SENP7: variants seen among roughly 807,000 people sequenced by gnomAD.
SENP7 encodes the protein sentrin-specific protease 7.
Under a neutral mutation model 141.2 loss-of-function variants are expected in SENP7, and 64 were observed. The ratio of observed to expected loss-of-function variants is 0.45; its 90% CI spans 0.37 to 0.56. SENP7 has a LOEUF of 0.56. SENP7 is among the 20% of genes least tolerant of loss of function. SENP7 has a pLI of 0.00. For missense variants in SENP7, 1,025 were observed against 1,212.2 expected, an observed-to-expected ratio of 0.85 and a Z score of 2.29; for synonymous variants, 382 against 426.4, an observed-to-expected ratio of 0.90 and a Z score of 1.28.
At chr3:101,414,726 T>C in intron 5 of SENP7, 2 of 740,878 alleles carry the variant, frequency 2.7e-6, no homozygotes, top group Non-Finnish European at 4.4e-6. Flanking sequence ...AGTTTATGAA[T>C]GAAGAAATTA....
At chr3:101,345,226 G>C (rs1559695928) in intron 13 of SENP7, among the ~76,000 whole-genome samples, 1 of 151,788 alleles carries the variant, frequency 6.6e-6, no homozygotes, top group African/African-American at 2.4e-5. Flanking sequence ...TTTTAGGATT[G>C]TTTTTTCTAG....
Position 101,325,114 on chromosome 3 carries a change from T to C in SENP7, c.*829A>G, listed in dbSNP as rs540441276. 24 of 152,174 alleles carry C rather than the reference T, an allele frequency of 1.6e-4. No individual in the cohort carries two copies. The highest frequency in any genetic ancestry group is 5.8e-4 in the African/African-American group (24 of 41,550). The allele number at this position is 152,174 out of a possible 1,614,324, so 9.4% of individuals were successfully genotyped here. On this transcript the variant is annotated 3_prime_UTR_variant, in exon 24 of 24. Transcript: ENST00000394095. ...ATGAGGACACCAATTTTATCTTCTA[T>C]ATTAGAGAAACTATACATAAATTCC...
chr3:101,378,062 C>G (rs948162074), intron 6 of SENP7, among the ~76,000 whole-genome samples: 1 of 151,760 alleles, frequency 6.6e-6, no homozygotes, highest in Admixed American at 6.6e-5. Flanking sequence ...AACAGGACTA[C>G]AGAATGCTTT....
intron 4 of SENP7, among the ~76,000 whole-genome samples, chr3:101,436,559 T>A: frequency 6.7e-6 from 1 of 149,422 alleles, no homozygotes; most frequent in African/African-American, 2.5e-5. Context: ...ATACAAAGAG[T>A]CCAAACAACC....
intron 3 of SENP7, among the ~76,000 whole-genome samples, chr3:101,461,278 C>A (rs545162791): frequency 6.6e-6 from 1 of 152,178 alleles, no homozygotes; most frequent in East Asian, 1.9e-4. Flanking sequence ...AAAAAAGAAT[C>A]AATGTTGTTA....
intron 11 of SENP7, chr3:101,357,999 G>A: frequency 1.6e-6 from 1 of 626,974 alleles, no homozygotes; most frequent in Non-Finnish European, 2.6e-6. Flanking sequence ...ATTCTTATTG[G>A]AGAGAAACCA....
chr3:101,447,757 A>G (rs778938090), intron 4 of SENP7, among the ~76,000 whole-genome samples: 2 of 151,810 alleles, frequency 1.3e-5, no homozygotes, highest in Non-Finnish European at 2.9e-5. Context: ...TGAAAATGCA[A>G]GAAACCCAGA....
At chr3:101,348,575 T>G (rs901534302) in intron 12 of SENP7, among the ~76,000 whole-genome samples, 33 of 152,234 alleles carry the variant, frequency 2.2e-4, no homozygotes, top group Non-Finnish European at 4.3e-4. Context: ...ATCTTTCTTC[T>G]CCTAAGGCAT....
intron 3 of SENP7, among the ~76,000 whole-genome samples, chr3:101,467,958 G>A (rs2063823751): frequency 6.6e-6 from 1 of 152,016 alleles, no homozygotes; most frequent in Admixed American, 6.6e-5. Context: ...TAAAAACCTT[G>A]AAAAAACATT....
intron 11 of SENP7, among the ~76,000 whole-genome samples, chr3:101,355,151 C>T (rs2059707269): frequency 6.6e-6 from 1 of 152,080 alleles, no homozygotes; most frequent in African/African-American, 2.4e-5. Context: ...AATATTTCCT[C>T]CCATTCTGTA....
intron 4 of SENP7, among the ~76,000 whole-genome samples, chr3:101,451,702 G>A (rs1458603955): frequency 6.6e-6 from 1 of 152,166 alleles, no homozygotes; most frequent in Non-Finnish European, 1.5e-5. Context: ...AGGTATTGAT[G>A]GGACGTATCT....
intron 6 of SENP7, 31 bp downstream of exon 6, chr3:101,398,830 T>C (rs2061048408): frequency 7.1e-7 from 1 of 1,407,758 alleles, no homozygotes; most frequent in Non-Finnish European, 9.7e-7. Context: ...ATAAATATAA[T>C]TATTTTGAGT....
At chr3:101,421,909 A>G (rs1388657904) in intron 4 of SENP7, among the ~76,000 whole-genome samples, 2 of 152,204 alleles carry the variant, frequency 1.3e-5, no homozygotes, top group Non-Finnish European at 2.9e-5. Flanking sequence ...TTAGGTAACA[A>G]TACTATCCAA....
At chr3:101,493,368 C>A (rs1268787141) in intron 3 of SENP7, among the ~76,000 whole-genome samples, 2 of 152,178 alleles carry the variant, frequency 1.3e-5, no homozygotes, top group African/African-American at 4.8e-5. Flanking sequence ...AACAAACCTG[C>A]ACTTGTACCA....
intron 4 of SENP7, among the ~76,000 whole-genome samples, chr3:101,438,285 C>A (rs2062467356): frequency 6.6e-6 from 1 of 152,142 alleles, no homozygotes; most frequent in East Asian, 1.9e-4. Flanking sequence ...TATTCTACAA[C>A]ATGAATGAAC....
At chr3:101,482,380 G>A (rs1192169891) in intron 3 of SENP7, among the ~76,000 whole-genome samples, 1 of 151,696 alleles carries the variant, frequency 6.6e-6, no homozygotes, top group East Asian at 1.9e-4. Context: ...AGATCTGTAT[G>A]AGGAAAGCTA....
At chr3:101,466,486 A>C (rs1399296396) in intron 3 of SENP7, among the ~76,000 whole-genome samples, 2 of 152,216 alleles carry the variant, frequency 1.3e-5, no homozygotes, top group East Asian at 3.9e-4. Flanking sequence ...TCAGTCAATA[A>C]TACCAGATCC....
rs773425178 is a variant in SENP7, at chr3:101,326,091, G to GAA, written c.3016-13_3016-12dup. ...GTTAACAATAGGATCCTAATGAGAG[G>GAA]AAAAAAAGAGTGTAATCACTTTAGC... On this transcript the variant is annotated splice_polypyrimidine_tract_variant and intron_variant, in intron 23 of 23. Coordinates refer to ENST00000394095, the MANE Select transcript of SENP7 (RefSeq NM_020654.5). The GAA allele has an allele frequency of 1.2e-5, 18 of 1,547,510 alleles. No homozygotes were observed. The highest frequency in any genetic ancestry group is 2.1e-5 in the Admixed American group (1 of 48,698).
intron 18 of SENP7, among the ~76,000 whole-genome samples, chr3:101,332,392 T>C (rs1048918812): frequency 4.6e-5 from 7 of 152,144 alleles, no homozygotes; most frequent in African/African-American, 7.2e-5. Context: ...AATAGACTCA[T>C]AGCATTATTT....
Sources: allele counts gnomAD v4.1 joint callset (sites outside exome capture counted in the v4.1 genomes callset), GRCh38; gene constraint gnomAD v4.1.1; transcripts MANE v1.5; gene names NCBI Gene and HGNC (gene_info 2026-07-23, HGNC 2026-07-21).